The following ATP8A2 variants were observed in gnomAD, a reference collection of about 807,000 sequenced individuals.
ATP8A2 encodes the protein phospholipid-transporting ATPase IB.
Under a neutral mutation model 165.6 loss-of-function variants are expected in ATP8A2, and 100 were observed. That is an observed-to-expected ratio of 0.60 (90% CI 0.51 to 0.71). ATP8A2 has a LOEUF of 0.71. Among genes scored for constraint, ATP8A2 ranks in the 30% least tolerant of loss-of-function variants. ATP8A2 has a pLI of 0.00. For missense variants in ATP8A2, 1,227 were observed against 1,479.5 expected (o/e 0.83, Z 2.80); for synonymous variants, 543 against 548.8 (o/e 0.99, Z 0.15).
intron 2 of ATP8A2, among the ~76,000 whole-genome samples, chr13:25,474,234 G>T (rs577909541): frequency 6.6e-6 from 1 of 152,152 alleles, no homozygotes; most frequent in Non-Finnish European, 1.5e-5. Context: ...GTAAGTTTTT[G>T]TTGGCTTTGC....
intron 2 of ATP8A2, among the ~76,000 whole-genome samples, chr13:25,497,563 A>T (rs1180748409): frequency 6.6e-6 from 1 of 152,156 alleles, no homozygotes; most frequent in Non-Finnish European, 1.5e-5. Context: ...TAATGGGAGA[A>T]TTTGAAGGTG....
intron 2 of ATP8A2, among the ~76,000 whole-genome samples, chr13:25,481,434 T>C (rs571731169): frequency 2.6e-5 from 4 of 152,322 alleles, no homozygotes; most frequent in South Asian, 2.1e-4. Flanking sequence ...TCCTCCTCCA[T>C]CCTGAGCCAG....
At chr13:25,396,398 T>C (rs1053298250) in intron 1 of ATP8A2, among the ~76,000 whole-genome samples, 1 of 152,166 alleles carries the variant, frequency 6.6e-6, no homozygotes, top group Admixed American at 6.5e-5. Context: ...GGTTCTAGTT[T>C]CTATGACCTA....
intron 24 of ATP8A2, among the ~76,000 whole-genome samples, chr13:25,646,412 A>C (rs2041671301): frequency 6.6e-6 from 1 of 152,090 alleles, no homozygotes; most frequent in African/African-American, 2.4e-5. Flanking sequence ...GCACTTTGGA[A>C]GGCCGAGGCA....
intron 25 of ATP8A2, among the ~76,000 whole-genome samples, chr13:25,717,207 G>A (rs2138010775): frequency 6.6e-6 from 1 of 152,244 alleles, no homozygotes; most frequent in South Asian, 2.1e-4. Flanking sequence ...CAGAGGTGAA[G>A]AGAAATGAAG....
chr13:25,714,412 T>C (rs972758403), intron 25 of ATP8A2, among the ~76,000 whole-genome samples: 2 of 152,168 alleles, frequency 1.3e-5, no homozygotes, highest in African/African-American at 4.8e-5. Context: ...GTACTCTGGC[T>C]CTGTTAGTGC....
At chr13:25,572,812 C>A (rs1406487846) in intron 18 of ATP8A2, among the ~76,000 whole-genome samples, 1 of 152,302 alleles carries the variant, frequency 6.6e-6, no homozygotes, top group East Asian at 1.9e-4. Context: ...ATCCATAGAC[C>A]TTTAATGCAT....
At chr13:25,894,514 A>G (rs996673033) in intron 33 of ATP8A2, among the ~76,000 whole-genome samples, 35 of 151,672 alleles carry the variant, frequency 2.3e-4, no homozygotes, top group African/African-American at 7.3e-4. Flanking sequence ...ACTTGGCAAT[A>G]TGGGCTCTTT....
At chr13:25,425,178 T>C (rs9553613) in intron 1 of ATP8A2, among the ~76,000 whole-genome samples, 63,469 of 151,990 alleles carry the variant, frequency 0.42, 14,293 homozygotes, top group East Asian at 0.59. Flanking sequence ...TAAGTCTCAG[T>C]ACATAGGCTA....
chr13:25,626,880 A>T (rs1356245796), intron 24 of ATP8A2, among the ~76,000 whole-genome samples: 3 of 152,130 alleles, frequency 2.0e-5, no homozygotes, highest in Non-Finnish European at 4.4e-5. Flanking sequence ...CAAAGAGAGA[A>T]TGAGAGCCAA....
At chr13:25,519,976 C>T (rs1345372432) in intron 2 of ATP8A2, among the ~76,000 whole-genome samples, 2 of 152,174 alleles carry the variant, frequency 1.3e-5, no homozygotes, top group African/African-American at 2.4e-5. Flanking sequence ...TAATTTGATA[C>T]ATTCATATAG....
chr13:25,731,080 G>C (rs999766833), intron 25 of ATP8A2, among the ~76,000 whole-genome samples: 1 of 135,884 alleles, frequency 7.4e-6, no homozygotes, highest in African/African-American at 2.7e-5. Context: ...GGGAGGAAAA[G>C]AAAAGAAAGG....
intron 1 of ATP8A2, among the ~76,000 whole-genome samples, chr13:25,430,058 T>A (rs1433894927): frequency 6.6e-6 from 1 of 152,162 alleles, no homozygotes; most frequent in Non-Finnish European, 1.5e-5. Flanking sequence ...TTTGAGCCCT[T>A]AGATAAATAG....
At chr13:25,805,228 G>A (rs999246851) in intron 27 of ATP8A2, among the ~76,000 whole-genome samples, 3 of 152,002 alleles carry the variant, frequency 2.0e-5, no homozygotes, top group African/African-American at 7.3e-5. Flanking sequence ...TAATGAGGAG[G>A]CCAGGTGTGG....
chr13:25,374,367 A>G (rs1234284140), intron 1 of ATP8A2, among the ~76,000 whole-genome samples: 1 of 152,226 alleles, frequency 6.6e-6, no homozygotes, highest in East Asian at 1.9e-4. Flanking sequence ...TAAGAGTAAC[A>G]GGACAGGAAC....
chr13:25,863,244 G>A (rs899748509), intron 33 of ATP8A2: 2 of 152,396 alleles, frequency 1.3e-5, no homozygotes, highest in African/African-American at 4.8e-5. Flanking sequence ...TGTGTTCCTC[G>A]GCACGGAGTG....
chr13:25,630,510 G>A (rs888566710), intron 24 of ATP8A2, among the ~76,000 whole-genome samples: 1 of 152,052 alleles, frequency 6.6e-6, no homozygotes. Context: ...ATGCATCACT[G>A]TTCTCCCCTC....
At position 25,520,606 on chromosome 13, in the gene ATP8A2, GT is replaced by G. The variant is rs1252775040; in HGVS notation, c.222-9381del. 2.0e-4 allele frequency among the ~76,000 whole-genome samples: 23 copies of G among 114,050 alleles called. 1 individual carries two copies. Among genetic ancestry groups the G allele is most frequent in the Admixed American group, 1.2e-3 (14 of 11,254 alleles). The allele number at this position is 114,050 out of a possible 152,430, so 74.8% of individuals were successfully genotyped here. On this transcript the variant is annotated intron_variant, in intron 2 of 36. Coordinates refer to ENST00000381655, the MANE Select transcript of ATP8A2 (RefSeq NM_016529.6). ...CCTATTTTTAGTTTTTTTTTTTTTT[GT>G]TTTTTTTTTTTGAGATGGAGTCTTG...
intron 28 of ATP8A2, among the ~76,000 whole-genome samples, chr13:25,830,852 T>G (rs574645413): frequency 1.3e-5 from 2 of 152,238 alleles, no homozygotes; most frequent in Non-Finnish European, 2.9e-5. Flanking sequence ...CTTAACACTT[T>G]AGTCAATAGT....
Sources: gnomAD v4.1 joint callset for allele counts (sites outside exome capture counted in the v4.1 genomes callset) on GRCh38, gnomAD v4.1.1 for gene constraint, MANE v1.5 for transcripts, NCBI Gene and HGNC (gene_info 2026-07-23, HGNC 2026-07-21) for gene names.